CA10: variants seen among roughly 807,000 people sequenced by gnomAD.
CA10 encodes carbonic anhydrase-related protein 10.
CA10 carries 14 observed loss-of-function variants against 44.2 expected under a neutral mutation model. The ratio of observed to expected loss-of-function variants is 0.32; its 90% confidence interval spans 0.21 to 0.50. CA10 has a LOEUF of 0.50. Among genes scored for constraint, CA10 ranks in the 20% least tolerant of loss-of-function variants. The pLI, the probability that CA10 is intolerant of heterozygous loss-of-function variation, is 0.99. For missense variants in CA10, 350 were observed against 409.7 expected, an observed-to-expected ratio of 0.85 and a Z score of 1.26; for synonymous variants, 159 against 141.6, an observed-to-expected ratio of 1.12 and a Z score of -0.87.
intron 3 of CA10, among the ~76,000 whole-genome samples, chr17:51,790,349 A>G (rs1437267359): frequency 6.6e-6 from 1 of 152,130 alleles, no homozygotes; most frequent in African/African-American, 2.4e-5. Flanking sequence ...ACAGGATGAC[A>G]TGCCTGTTGT....
At chr17:51,887,982 G>A (rs910667929) in intron 3 of CA10, among the ~76,000 whole-genome samples, 5 of 151,948 alleles carry the variant, frequency 3.3e-5, no homozygotes, top group Admixed American at 6.6e-5. Flanking sequence ...CCGAGATTGC[G>A]CCACTGCACT....
At chr17:52,115,878 G>T (rs1007515084) in intron 1 of CA10, among the ~76,000 whole-genome samples, 4 of 152,234 alleles carry the variant, frequency 2.6e-5, no homozygotes, top group South Asian at 2.1e-4. Context: ...CAGATCACAA[G>T]GTCAAGAGAT....
At chr17:52,062,307 TA>T (rs1239491681) in intron 2 of CA10, among the ~76,000 whole-genome samples, 1 of 151,916 alleles carries the variant, frequency 6.6e-6, no homozygotes, top group Non-Finnish European at 1.5e-5. Context: ...AATTTGTAAT[TA>T]AAAGGAAAGC....
At chr17:51,783,110 C>T (rs1245126121) in intron 3 of CA10, among the ~76,000 whole-genome samples, 1 of 152,178 alleles carries the variant, frequency 6.6e-6, no homozygotes, top group Admixed American at 6.5e-5. Context: ...AAATAGTCAT[C>T]TCTTTTCCCT....
At chr17:51,690,678 T>A (rs1290985107) in intron 4 of CA10, among the ~76,000 whole-genome samples, 1 of 152,232 alleles carries the variant, frequency 6.6e-6, no homozygotes, top group African/African-American at 2.4e-5. Context: ...ATGCCTTTGC[T>A]TCTCTTTCAC....
chr17:52,058,091 T>C (rs1987279596), intron 2 of CA10, among the ~76,000 whole-genome samples: 1 of 152,078 alleles, frequency 6.6e-6, no homozygotes, highest in Non-Finnish European at 1.5e-5. Flanking sequence ...GAAATATATA[T>C]GCAGGTTTAT....
intron 3 of CA10, among the ~76,000 whole-genome samples, chr17:51,785,282 T>C (rs1906224886): frequency 6.6e-6 from 1 of 152,126 alleles, no homozygotes; most frequent in African/African-American, 2.4e-5. Context: ...TGGTTATTAA[T>C]CCCTTGTCAG....
At chr17:52,069,822 C>T (rs1177534178) in intron 2 of CA10, among the ~76,000 whole-genome samples, 1 of 152,108 alleles carries the variant, frequency 6.6e-6, no homozygotes, top group Non-Finnish European at 1.5e-5. Context: ...ACTGTTATGC[C>T]AACTGACTAT....
At chr17:51,844,884 C>A (rs1244401411) in intron 3 of CA10, among the ~76,000 whole-genome samples, 1 of 152,128 alleles carries the variant, frequency 6.6e-6, no homozygotes, top group African/African-American at 2.4e-5. Context: ...AGAATGTGAC[C>A]TTATTAAGAA....
At chr17:51,900,033 A>G (rs1424566123) in intron 3 of CA10, among the ~76,000 whole-genome samples, 1 of 151,996 alleles carries the variant, frequency 6.6e-6, no homozygotes, top group African/African-American at 2.4e-5. Context: ...TAGCCTGTTT[A>G]CATTCAATTT....
chr17:52,016,088 A>G (rs1333758490), intron 2 of CA10, among the ~76,000 whole-genome samples: 1 of 152,048 alleles, frequency 6.6e-6, no homozygotes, highest in Non-Finnish European at 1.5e-5. Flanking sequence ...ATCCTTTGGG[A>G]GAGGCATTGG....
intron 1 of CA10, among the ~76,000 whole-genome samples, chr17:52,109,930 C>G (rs1446916661): frequency 6.6e-6 from 1 of 152,146 alleles, no homozygotes; most frequent in African/African-American, 2.4e-5. Context: ...GCATCACATC[C>G]CATGCATCCT....
intron 1 of CA10, among the ~76,000 whole-genome samples, chr17:52,156,058 G>A (rs1178284314): frequency 6.6e-6 from 1 of 152,164 alleles, no homozygotes; most frequent in African/African-American, 2.4e-5. Flanking sequence ...GAAATCCAGA[G>A]CCTTAATCAA....
chr17:52,035,101 G>T (rs551425338), intron 2 of CA10, among the ~76,000 whole-genome samples: 11 of 152,250 alleles, frequency 7.2e-5, no homozygotes, highest in African/African-American at 2.4e-4. Context: ...TGAAAAGCCT[G>T]AAACAACAGC....
intron 2 of CA10, among the ~76,000 whole-genome samples, chr17:52,039,638 C>A (rs1388956457): frequency 6.6e-6 from 1 of 152,016 alleles, no homozygotes; most frequent in African/African-American, 2.4e-5. Flanking sequence ...CCTTAAGCTG[C>A]ATTAATAGAA....
chr17:52,132,989 G>A (rs1989274839), intron 1 of CA10, among the ~76,000 whole-genome samples: 1 of 152,184 alleles, frequency 6.6e-6, no homozygotes, highest in South Asian at 2.1e-4. Flanking sequence ...TAGCGCAGAG[G>A]ACCATGGGCA....
At chr17:51,828,833 T>G (rs1908127487) in intron 3 of CA10, among the ~76,000 whole-genome samples, 1 of 152,254 alleles carries the variant, frequency 6.6e-6, no homozygotes, top group Admixed American at 6.5e-5. Flanking sequence ...TTGCTTCATC[T>G]TTTTTGTCTT....
intron 2 of CA10, among the ~76,000 whole-genome samples, chr17:51,979,962 G>A (rs1375636906): frequency 6.6e-6 from 1 of 152,042 alleles, no homozygotes; most frequent in African/African-American, 2.4e-5. Flanking sequence ...TTGCTTCTTT[G>A]CTATTGTGAA....
chr17:52,130,053 A>G (rs1989199863), intron 1 of CA10, among the ~76,000 whole-genome samples: 1 of 152,246 alleles, frequency 6.6e-6, no homozygotes, highest in Admixed American at 6.5e-5. Flanking sequence ...AAAAATGCTC[A>G]ACATCACTAA....
Sources: allele counts gnomAD v4.1 joint callset (sites outside exome capture counted in the v4.1 genomes callset), GRCh38; gene constraint gnomAD v4.1.1; transcripts MANE v1.5; gene names NCBI Gene and HGNC (gene_info 2026-07-23, HGNC 2026-07-21).